Variants in AP4S1 observed in about 807,000 individuals in gnomAD.
AP4S1 encodes the protein AP-4 complex subunit sigma-1.
Under a neutral mutation model 19.8 loss-of-function variants are expected in AP4S1, and 23 were observed. The observed-to-expected ratio is 1.16, with a 90% CI of 0.84 to 1.65. The LOEUF (loss-of-function observed/expected upper bound fraction) is 1.65. AP4S1 is among the 40% of genes most tolerant of loss of function. The probability of loss-of-function intolerance (pLI) is 0.00; values close to 1 mark genes in which losing one functional copy is unlikely to be tolerated. For synonymous variants in AP4S1, 46 were observed against 54.1 expected (o/e 0.85, Z 0.66); for missense variants, 166 against 172.8 (o/e 0.96, Z 0.22).
At chr14:31,047,694 CT>C (rs1885500613) in intron 1 of AP4S1, among the ~76,000 whole-genome samples, 1 of 151,976 alleles carries the variant, frequency 6.6e-6, no homozygotes, top group Non-Finnish European at 1.5e-5. Context: ...CGTGCCCAGC[CT>C]TTGAGACACA....
rs1888127313 is a variant in AP4S1, at chr14:31,093,417, TA to T, written c.*386del. ...AGTTTTCCGTCAGCCAATAAAGTTTTAAAATTTAAACACAAGGCATTTTGAG... is the reference window on the plus strand; with the variant it reads ...AGTTTTCCGTCAGCCAATAAAGTTTTAAATTTAAACACAAGGCATTTTGAG... On this transcript the variant is annotated 3_prime_UTR_variant, in exon 6 of 6. Transcript: ENST00000542754. The T allele has an allele frequency of 6.4e-6, 1 of 157,390 alleles. No individual in the cohort carries two copies. Among genetic ancestry groups the T allele is most frequent in the African/African-American group, 2.4e-5 (1 of 41,472 alleles). 9.7% of individuals were successfully genotyped at this position (157,390 alleles called of 1,614,324 possible). A position where few individuals can be genotyped will look rare whatever the true frequency, so the allele number is the denominator to read the frequency against.
At chr14:31,034,817 G>A (rs909905213) in intron 1 of AP4S1, among the ~76,000 whole-genome samples, 6 of 149,036 alleles carry the variant, frequency 4.0e-5, no homozygotes, top group Non-Finnish European at 4.5e-5. Flanking sequence ...AGTAGAGACA[G>A]GGTTCCACCA....
intron 3 of AP4S1, among the ~76,000 whole-genome samples, chr14:31,071,332 G>T (rs1360094925): frequency 1.3e-5 from 2 of 152,158 alleles, no homozygotes. Context: ...AAGCCAATTT[G>T]TGGTAAAGTC....
intron 1 of AP4S1, among the ~76,000 whole-genome samples, chr14:31,039,685 G>T (rs1479192812): frequency 6.6e-6 from 1 of 151,374 alleles, no homozygotes; most frequent in Non-Finnish European, 1.5e-5. Flanking sequence ...CCATTCTCCG[G>T]GTTCACGCCA....
Position 31,035,289 on chromosome 14 carries a change from G to A in AP4S1, c.-72+9502G>A, listed in dbSNP as rs560301295. ...TTCTCACCGCAACCTCCGCCTCCCG[G>A]GTTCAAGCAATTCTCCTGCCTCAGC... is the stretch of plus-strand genomic sequence containing the variant. On this transcript the variant is annotated intron_variant, in intron 1 of 5. Transcript: ENST00000542754. 6.8e-5 allele frequency among the ~76,000 whole-genome samples: 10 copies of A among 148,044 alleles called. No homozygotes were observed. The South Asian group carries it at 2.1e-3, about 32-fold the overall frequency.
intron 1 of AP4S1, among the ~76,000 whole-genome samples, chr14:31,062,859 C>G (rs369864446): frequency 6.6e-6 from 1 of 151,644 alleles, no homozygotes; most frequent in Non-Finnish European, 1.5e-5. Context: ...CCCAGCTACT[C>G]GGGAGGCTGA....
At chr14:31,026,491 T>G in intron 1 of AP4S1, 1 of 331,918 alleles carries the variant, frequency 3.0e-6, no homozygotes, top group Non-Finnish European at 5.5e-6. Context: ...GCATGCTGGG[T>G]AGCGAACGCA....
chr14:31,035,856 G>T (rs908513534), intron 1 of AP4S1, among the ~76,000 whole-genome samples: 3 of 150,802 alleles, frequency 2.0e-5, no homozygotes, highest in Non-Finnish European at 2.9e-5. Context: ...CAGCCTTCCC[G>T]AGTAGCTGGG....
At chr14:31,062,192 A>G (rs957149152) in intron 1 of AP4S1, among the ~76,000 whole-genome samples, 1 of 151,960 alleles carries the variant, frequency 6.6e-6, no homozygotes, top group African/African-American at 2.4e-5. Flanking sequence ...TCCACCTCCC[A>G]GGTTCAAGTG....
Position 31,025,698 on chromosome 14 carries a change from T to A in AP4S1, c.-161T>A. ...GAGGAGGCCCGCACCGCGTAGCCAGTGAAGGTTGGGGAGCAAGCTTATGCG... is the reference window on the plus strand; with the variant it reads ...GAGGAGGCCCGCACCGCGTAGCCAGAGAAGGTTGGGGAGCAAGCTTATGCG... On this transcript the variant is annotated 5_prime_UTR_variant, in exon 1 of 6. It removes the in-frame stop codon of an upstream open reading frame in the 5' UTR. Coordinates refer to ENST00000542754, the MANE Select transcript of AP4S1 (RefSeq NM_001128126.3). The A allele has an allele frequency of 1.3e-6, 1 of 746,630 alleles. No individual in the cohort carries two copies. The highest frequency in any genetic ancestry group is 3.1e-5 in the East Asian group (1 of 32,690). The allele number at this position is 746,630 out of a possible 1,614,324, so 46.3% of individuals were successfully genotyped here. A position where few individuals can be genotyped will look rare whatever the true frequency, so the allele number is the denominator to read the frequency against.
At position 31,025,823 on chromosome 14, in the gene AP4S1, G is replaced by C. The variant is rs532854453; in HGVS notation, c.-72+36G>C. The C allele has an allele frequency of 3.0e-5, 46 of 1,529,470 alleles. No individual in the cohort carries two copies. The Admixed American group carries it at 8.9e-4, about 30-fold the overall frequency. The allele number at this position is 1,529,470 out of a possible 1,614,324, so 94.7% of individuals were successfully genotyped here. Reference sequence around the variant, plus strand: ...CTCGGCCTCCCAAGGCGCCGGCTCCGGCTGAGTGGAGTCCCCAGCCCCACC... The same window carrying C: ...CTCGGCCTCCCAAGGCGCCGGCTCCCGCTGAGTGGAGTCCCCAGCCCCACC... On this transcript the variant is annotated intron_variant, in intron 1 of 5. Coordinates refer to ENST00000542754, the MANE Select transcript of AP4S1 (RefSeq NM_001128126.3).
chr14:31,076,251 G>A (rs1887356028), intron 4 of AP4S1, among the ~76,000 whole-genome samples: 1 of 152,170 alleles, frequency 6.6e-6, no homozygotes, highest in African/African-American at 2.4e-5. Context: ...AAGTGTTGGT[G>A]TGATTCAAAT....
chr14:31,084,632 T>G (rs1008412339), intron 5 of AP4S1: 2 of 1,416,370 alleles, frequency 1.4e-6, no homozygotes, highest in Non-Finnish European at 1.9e-6. Context: ...CACTCTTCAG[T>G]TCCACTCCAC....
chr14:31,074,377 G>A (rs113998596), intron 4 of AP4S1, among the ~76,000 whole-genome samples: 3,070 of 146,888 alleles, frequency 0.021, 94 homozygotes, highest in African/African-American at 0.073. Flanking sequence ...AGTAAGCTGG[G>A]CGCGGTGGCT....
At chr14:31,058,646 C>G (rs1047315987) in intron 1 of AP4S1, among the ~76,000 whole-genome samples, 1 of 151,826 alleles carries the variant, frequency 6.6e-6, no homozygotes, top group Non-Finnish European at 1.5e-5. Flanking sequence ...TAGCTCACCA[C>G]TGCCTCCAAT....
intron 1 of AP4S1, among the ~76,000 whole-genome samples, chr14:31,039,510 A>G (rs1265226371): frequency 6.7e-6 from 1 of 149,830 alleles, no homozygotes; most frequent in Non-Finnish European, 1.5e-5. Context: ...AAAACACTTA[A>G]TTTTAACTCA....
At chr14:31,088,823 A>AG (rs941741520) in intron 5 of AP4S1, among the ~76,000 whole-genome samples, 3 of 149,892 alleles carry the variant, frequency 2.0e-5, no homozygotes, top group African/African-American at 7.4e-5. Flanking sequence ...AAAAAAAAAA[A>AG]AAAAAAAGTC....
chr14:31,050,857 C>T (rs895926753), intron 1 of AP4S1, among the ~76,000 whole-genome samples: 2 of 152,158 alleles, frequency 1.3e-5, no homozygotes, highest in Non-Finnish European at 2.9e-5. Context: ...CCTTAATCTT[C>T]TCTGGACTGT....
intron 5 of AP4S1, among the ~76,000 whole-genome samples, chr14:31,091,585 T>C (rs1231969179): frequency 1.3e-5 from 2 of 152,072 alleles, no homozygotes; most frequent in Non-Finnish European, 2.9e-5. Context: ...GAAAACAGTT[T>C]ATTCTGCTGG....
Sources: allele counts gnomAD v4.1 joint callset (sites outside exome capture counted in the v4.1 genomes callset), GRCh38; gene constraint gnomAD v4.1.1; transcripts MANE v1.5; gene names NCBI Gene and HGNC (gene_info 2026-07-23, HGNC 2026-07-21).